Variants in PPCS observed in about 807,000 individuals in gnomAD.
PPCS encodes the protein phosphopantothenate--cysteine ligase.
Under a neutral mutation model 24.6 loss-of-function variants are expected in PPCS, and 17 were observed. That is an observed-to-expected ratio of 0.69 (90% CI 0.47 to 1.04). PPCS has a LOEUF of 1.04. Ranked by LOEUF, PPCS falls within the 50% of genes least tolerant of loss-of-function variation. The pLI is 0.00. For synonymous variants in PPCS, 190 were observed against 168.3 expected, an observed-to-expected ratio of 1.13 and a Z score of -1.00; for missense variants, 360 against 402.8, an observed-to-expected ratio of 0.89 and a Z score of 0.91.
At chr1:42,457,134 T>C (rs1355317970) in intron 1 of PPCS, 61 bp downstream of exon 1, 1 of 1,582,222 alleles carries the variant, frequency 6.3e-7, no homozygotes, top group African/African-American at 1.3e-5. Context: ...CAGCCACTTA[T>C]CCCCTTACCT....
Position 42,460,173 on chromosome 1 carries a change from T to A in PPCS, c.*247T>A. On this transcript the variant is annotated 3_prime_UTR_variant, in exon 3 of 3. Coordinates refer to ENST00000372561, the MANE Select transcript of PPCS (RefSeq NM_024664.4). The stretch of plus-strand genomic sequence containing the variant: ...AGAAGAGCTTATTGGGAATTATATA[T>A]TCCTTAAAATATACATGGGGGCCTG... 8.4e-7 allele frequency: 1 copy of A among 1,197,304 alleles called. No individual in the cohort carries two copies. Among genetic ancestry groups the A allele is most frequent in the Non-Finnish European group, 1.0e-6 (1 of 963,756 alleles). The allele number at this position is 1,197,304 out of a possible 1,614,324, so 74.2% of individuals were successfully genotyped here.
upstream of PPCS, chr1:42,456,488 C>T: frequency 1.4e-6 from 2 of 1,383,370 alleles, no homozygotes; most frequent in Non-Finnish European, 1.9e-6. Flanking sequence ...TACGGCGCGG[C>T]GCGTACACCA....
In PPCS at chr1:42,456,592, G is replaced by T. The variant is rs1300886058; in HGVS notation, c.27G>T (p.Glu9Asp). The change falls in exon 1 of 3, where the codon GAG becomes GAT. Residue 9 changes from glutamate to aspartate, a missense_variant. Glu to Asp is a conservative substitution (Grantham distance 45). This residue lies in a region of PPCS where 244 missense variants were observed against 234.7 expected (regional missense o/e 1.04). Coordinates refer to ENST00000372561, the MANE Select transcript of PPCS (RefSeq NM_024664.4). MAEMDPVA[E>D]FPQPPGAARW... ...TGGCGGAAATGGATCCGGTAGCCGA[G>T]TTCCCCCAGCCTCCCGGTGCTGCGC... The T allele has an allele frequency of 6.6e-7, 1 of 1,504,086 alleles. No individual in the cohort carries two copies. The allele number at this position is 1,504,086 out of a possible 1,614,324, so 93.2% of individuals were successfully genotyped here.
chr1:42,461,535 T>G (rs1031816902), downstream of PPCS, among the ~76,000 whole-genome samples: 1 of 151,584 alleles, frequency 6.6e-6, no homozygotes, highest in African/African-American at 2.4e-5. Flanking sequence ...AAGGTCTTAC[T>G]ATGTTACCCA....
chr1:42,457,942 C>T (rs1395011027), intron 2 of PPCS, among the ~76,000 whole-genome samples: 1 of 140,936 alleles, frequency 7.1e-6, no homozygotes, highest in South Asian at 2.3e-4. Flanking sequence ...GCGACGAGAG[C>T]GATACTCCGT....
chr1:42,469,410 G>A (rs1168566824), intron 2 of PPCS, among the ~76,000 whole-genome samples: 1 of 152,148 alleles, frequency 6.6e-6, no homozygotes, highest in Non-Finnish European at 1.5e-5. Flanking sequence ...TGCAGCAAGT[G>A]TAAGAGTGTG....
Position 42,456,997 on chromosome 1 carries a change from C to A in PPCS, c.432C>A (p.Phe144Leu). The stretch of plus-strand genomic sequence containing the variant: ...AGGAGGCTGCGGCTGCAGGCACCTT[C>A]CTGGCAGTAGAGTTCACCACTTTGG... Reference protein sequence around the residue: ...SYQEAAAAGTFLAVEFTTLAD... With the variant: ...SYQEAAAAGTLLAVEFTTLAD... Residue 144 changes from phenylalanine to leucine, a missense_variant, in exon 1 of 3, where the codon TTC becomes TTA. This residue lies in a region of PPCS where 244 missense variants were observed against 234.7 expected (regional missense o/e 1.04). Transcript: ENST00000372561. 1 of 1,602,352 alleles carries A rather than the reference C, an allele frequency of 6.2e-7. No homozygotes were observed. The highest frequency in any genetic ancestry group is 8.5e-7 in the Non-Finnish European group (1 of 1,179,944).
intron 2 of PPCS, among the ~76,000 whole-genome samples, chr1:42,469,584 A>G (rs1643699131): frequency 6.6e-6 from 1 of 152,114 alleles, no homozygotes; most frequent in Non-Finnish European, 1.5e-5. Flanking sequence ...AGAAAAGGAG[A>G]TAAGGAACAT....
chr1:42,469,632 G>T (rs1643701117), intron 2 of PPCS, among the ~76,000 whole-genome samples: 1 of 152,214 alleles, frequency 6.6e-6, no homozygotes, highest in South Asian at 2.1e-4. Context: ...AGCAGTATGG[G>T]ATGGGGCCTA....
At chr1:42,472,192 A>G (rs566269127) in intron 2 of PPCS, among the ~76,000 whole-genome samples, 53 of 152,180 alleles carry the variant, frequency 3.5e-4, no homozygotes, top group African/African-American at 1.2e-3. Flanking sequence ...AGGCAGAGGT[A>G]CAGTGAGCTG....
At chr1:42,464,294 C>G (rs1423209832), downstream of PPCS, 1 of 152,118 alleles carries the variant, frequency 6.6e-6, no homozygotes, top group Non-Finnish European at 1.5e-5. Flanking sequence ...CAGTATTGGA[C>G]CCATTTCAGG....
Position 42,460,151 on chromosome 1 carries a change from A to G in PPCS, c.*225A>G, listed in dbSNP as rs149975288. Reference sequence around the variant, plus strand: ...GAACTGTTAATCACCTTTAAAAAGAAGAGCTTATTGGGAATTATATATTCC... The same window carrying G: ...GAACTGTTAATCACCTTTAAAAAGAGGAGCTTATTGGGAATTATATATTCC... On this transcript the variant is annotated 3_prime_UTR_variant, in exon 3 of 3. Transcript: ENST00000372561. 7.9e-7 allele frequency: 1 copy of G among 1,265,914 alleles called. No homozygotes were observed. The highest frequency in any genetic ancestry group is 3.2e-5 in the East Asian group (1 of 31,250). 78.4% of individuals were successfully genotyped at this position (1,265,914 alleles called of 1,614,324 possible).
downstream of PPCS, among the ~76,000 whole-genome samples, chr1:42,461,385 G>C (rs1241238584): frequency 1.3e-5 from 2 of 152,158 alleles, no homozygotes; most frequent in Non-Finnish European, 2.9e-5. Flanking sequence ...ACCCAGGTTG[G>C]AGTGCAGTGG....
chr1:42,466,392 A>C (rs1643583843), intron 2 of PPCS, among the ~76,000 whole-genome samples: 2 of 152,162 alleles, frequency 1.3e-5, no homozygotes, highest in Admixed American at 6.5e-5. Flanking sequence ...TCTTTGTCTC[A>C]GTTTGCTTTA....
rs563218176 is a variant in PPCS, at chr1:42,458,077, G to A, written c.612+727G>A. On this transcript the variant is annotated intron_variant, in intron 2 of 2. Coordinates refer to ENST00000372561, the MANE Select transcript of PPCS (RefSeq NM_024664.4). Reference sequence around the variant, plus strand: ...GAAAGTGGGCAGTGGGCTGTGAACCGAAGTGCTTTGGTAAGGCTGGAGAGC... The same window carrying A: ...GAAAGTGGGCAGTGGGCTGTGAACCAAAGTGCTTTGGTAAGGCTGGAGAGC... Among the ~76,000 whole-genome samples the A allele has an allele frequency of 1.3e-4, 20 of 152,292 alleles. No individual in the cohort carries two copies. In the South Asian group the frequency reaches 3.9e-3, roughly 30 times the overall value.
At position 42,461,012 on chromosome 1, in the gene PPCS, A is replaced by G. The variant is rs1643396921; in HGVS notation, c.*1086A>G. Reference sequence around the variant, plus strand: ...GTCCTACGTTTTGGGTTTGGAGTGCACAAGTAGCATAGTGCAAAAAAATTC... The same window carrying G: ...GTCCTACGTTTTGGGTTTGGAGTGCGCAAGTAGCATAGTGCAAAAAAATTC... On this transcript the variant is annotated 3_prime_UTR_variant, in exon 3 of 3. Transcript: ENST00000372561. Among the ~76,000 whole-genome samples, 1 of 152,238 alleles carries G rather than the reference A, an allele frequency of 6.6e-6. No individual in the cohort carries two copies. The highest frequency in any genetic ancestry group is 1.5e-5 in the Non-Finnish European group (1 of 68,046).
Position 42,459,909 on chromosome 1 carries a change from ATAGG to A in PPCS, c.921_924del (p.Ile307MetfsTer65). ...TCTTCAGTCTCGACACACAGCTTTT[ATAGG>A]TGACAGAAACTGAAGTAAAAAGCCC... On this transcript the variant is annotated frameshift_variant, in exon 3 of 3. Coordinates refer to ENST00000372561, the MANE Select transcript of PPCS (RefSeq NM_024664.4). LOFTEE classifies it high-confidence loss of function. The A allele has an allele frequency of 1.9e-6, 3 of 1,607,946 alleles. No homozygotes were observed. The highest frequency in any genetic ancestry group is 2.6e-6 in the Non-Finnish European group (3 of 1,176,330).
chr1:42,459,337 A>AT (rs1197642993), intron 2 of PPCS: 8 of 393,526 alleles, frequency 2.0e-5, no homozygotes, highest in African/African-American at 4.0e-5. Flanking sequence ...TAATTTTTGT[A>AT]TTTTTTTGTA....
intron 2 of PPCS, among the ~76,000 whole-genome samples, chr1:42,457,891 G>C (rs1007982521): frequency 1.3e-5 from 2 of 150,456 alleles, no homozygotes; most frequent in African/African-American, 4.9e-5. Context: ...GGAGGCGGAG[G>C]TTGCAGTGAG....
Sources: gnomAD v4.1 joint callset for allele counts (sites outside exome capture counted in the v4.1 genomes callset) on GRCh38, gnomAD v4.1.1 for gene constraint, gnomAD v4.1.1 regional missense constraint, MANE v1.5 for transcripts, NCBI Gene and HGNC (gene_info 2026-07-23, HGNC 2026-07-21) for gene names.